UST: variants seen among roughly 807,000 people sequenced by gnomAD.
The protein encoded by UST is uronyl 2-sulfotransferase.
Under a neutral mutation model 45.6 loss-of-function variants are expected in UST, and 21 were observed. That is an observed-to-expected ratio of 0.46 (90% CI 0.33 to 0.66). The LOEUF (loss-of-function observed/expected upper bound fraction) is 0.66. Ranked by LOEUF, UST falls within the 30% of genes least tolerant of loss-of-function variation. The pLI is 0.02. For synonymous variants in UST, 215 were observed against 200.6 expected, an observed-to-expected ratio of 1.07 and a Z score of -0.61; for missense variants, 463 against 512.4, an observed-to-expected ratio of 0.90 and a Z score of 0.93.
chr6:148,747,904 G>C (rs546425289), intron 1 of UST, among the ~76,000 whole-genome samples: 2 of 152,274 alleles, frequency 1.3e-5, no homozygotes, highest in Middle Eastern at 3.4e-3. Flanking sequence ...TTGCGCTGCC[G>C]GCAGGTACCC....
intron 7 of UST, among the ~76,000 whole-genome samples, chr6:149,064,154 G>A (rs1317555919): frequency 2.0e-5 from 3 of 152,182 alleles, no homozygotes; most frequent in African/African-American, 7.2e-5. Flanking sequence ...ATGAATCAGA[G>A]TGAGATGCCC....
chr6:148,787,083 C>T (rs1772760727), intron 1 of UST, among the ~76,000 whole-genome samples: 1 of 151,770 alleles, frequency 6.6e-6, no homozygotes, highest in Admixed American at 6.6e-5. Flanking sequence ...AATTTAAGTT[C>T]CTTATAGATG....
At position 148,930,380 on chromosome 6, in the gene UST, G is replaced by A. The variant is rs77849596; in HGVS notation, c.292-10899G>A. 4.9e-3 allele frequency among the ~76,000 whole-genome samples: 743 copies of A among 152,240 alleles called. 4 individuals carry two copies. The highest frequency in any genetic ancestry group is 0.016 in the African/African-American group (682 of 41,560). On this transcript the variant is annotated intron_variant, in intron 2 of 7. Transcript: ENST00000367463. ...ACAATAGTCAGAAAAAGCAGATGTG[G>A]CCCCTGCAGTCATGGAGTTTAAAAT...
chr6:148,998,006 T>C (rs999166537), intron 5 of UST, among the ~76,000 whole-genome samples: 4 of 152,184 alleles, frequency 2.6e-5, no homozygotes, highest in African/African-American at 9.7e-5. Flanking sequence ...GTGACTTTTG[T>C]GGTTTGTTTT....
At chr6:148,812,499 C>T (rs1294582992) in intron 1 of UST, among the ~76,000 whole-genome samples, 3 of 152,184 alleles carry the variant, frequency 2.0e-5, no homozygotes, top group Non-Finnish European at 4.4e-5. Context: ...GGCTTAGCTG[C>T]TCATTAGGTC....
At chr6:149,039,174 G>A (rs779406742) in intron 7 of UST, among the ~76,000 whole-genome samples, 5 of 152,048 alleles carry the variant, frequency 3.3e-5, no homozygotes, top group African/African-American at 9.7e-5. Context: ...ATGTATTAGG[G>A]ACCATCCCTG....
intron 5 of UST, among the ~76,000 whole-genome samples, chr6:148,980,347 CCA>C (rs1045207274): frequency 6.6e-6 from 1 of 152,196 alleles, no homozygotes; most frequent in Non-Finnish European, 1.5e-5. Flanking sequence ...GCTGCCAACA[CCA>C]CAGTCTTTAA....
rs1582837917 is a variant in UST at position 148,829,291 on chromosome 6, C to T, written c.248-57695C>T. Among the ~76,000 whole-genome samples, 3 of 152,186 alleles carry T rather than the reference C, an allele frequency of 2.0e-5. No individual in the cohort carries two copies. The South Asian group carries it at 6.2e-4, about 31-fold the overall frequency. ...GCGTGCACCTCTGCACCTGGGTCCG[C>T]TGTAACCATGCATATGGCTTTGGCC... On this transcript the variant is annotated intron_variant, in intron 1 of 7. Transcript: ENST00000367463.
chr6:148,774,924 A>G (rs1776501958), intron 1 of UST, among the ~76,000 whole-genome samples: 1 of 152,176 alleles, frequency 6.6e-6, no homozygotes, highest in African/African-American at 2.4e-5. Context: ...AGGCTGGGGC[A>G]GGAGAATCAC....
chr6:148,933,290 G>A (rs897898767), intron 2 of UST, among the ~76,000 whole-genome samples: 2 of 152,090 alleles, frequency 1.3e-5, no homozygotes, highest in African/African-American at 4.8e-5. Flanking sequence ...CAATAGTCTA[G>A]TCTATACTCT....
At chr6:148,803,785 C>T (rs1341374696) in intron 1 of UST, among the ~76,000 whole-genome samples, 1 of 152,196 alleles carries the variant, frequency 6.6e-6, no homozygotes, top group East Asian at 1.9e-4. Context: ...TGTTCTGGCT[C>T]TGGCCACACA....
chr6:148,808,480 T>C (rs1777192610), intron 1 of UST, among the ~76,000 whole-genome samples: 2 of 151,904 alleles, frequency 1.3e-5, no homozygotes, highest in South Asian at 4.2e-4. Context: ...TTACCTGGGA[T>C]GGGGATAGGT....
chr6:149,030,470 T>C (rs905239765), intron 7 of UST, among the ~76,000 whole-genome samples: 1 of 78,276 alleles, frequency 1.3e-5, no homozygotes, highest in Non-Finnish European at 2.7e-5. Flanking sequence ...CAAGATCCTG[T>C]TTCTACCAAA....
At chr6:148,877,513 G>T in intron 1 of UST, among the ~76,000 whole-genome samples, 1 of 99,940 alleles carries the variant, frequency 1.0e-5, no homozygotes, top group African/African-American at 4.0e-5. Flanking sequence ...TGGGTGGGGG[G>T]GTTGTGTGTG....
chr6:148,913,405 G>A (rs72994213), intron 2 of UST, among the ~76,000 whole-genome samples: 39,928 of 136,152 alleles, frequency 0.29, 5,954 homozygotes, highest in Middle Eastern at 0.36. Context: ...TCTACAGTCC[G>A]TATTTGGGAC....
At position 149,054,665 on chromosome 6, in the gene UST, G is replaced by A. The variant is rs11755062; in HGVS notation, c.938-19168G>A. ...GACAAGAGTGAGGTGAAGCACCACCGTGGACCAGAAAAAGGCTTGAAATTA... is the reference window on the plus strand; with the variant it reads ...GACAAGAGTGAGGTGAAGCACCACCATGGACCAGAAAAAGGCTTGAAATTA... On this transcript the variant is annotated intron_variant, in intron 7 of 7. Coordinates refer to ENST00000367463, the MANE Select transcript of UST (RefSeq NM_005715.3). Among the ~76,000 whole-genome samples, 270 of 152,294 alleles carry A rather than the reference G, an allele frequency of 1.8e-3. 1 individual carries two copies. Among genetic ancestry groups the A allele is most frequent in the Admixed American group, 6.3e-3 (97 of 15,302 alleles).
intron 2 of UST, among the ~76,000 whole-genome samples, chr6:148,891,767 A>G (rs1240392004): frequency 6.6e-6 from 1 of 152,244 alleles, no homozygotes; most frequent in Non-Finnish European, 1.5e-5. Context: ...TTTAACCTTC[A>G]GTATACCAGA....
At chr6:148,761,897 GCTCT>G (rs1277231717) in intron 1 of UST, among the ~76,000 whole-genome samples, 1 of 152,222 alleles carries the variant, frequency 6.6e-6, no homozygotes, top group Non-Finnish European at 1.5e-5. Context: ...CATAGAAGCA[GCTCT>G]CTAACAGCTG....
chr6:148,821,600 A>G (rs1040945442), intron 1 of UST, among the ~76,000 whole-genome samples: 3 of 152,232 alleles, frequency 2.0e-5, no homozygotes, highest in Non-Finnish European at 4.4e-5. Flanking sequence ...ACTAAAAACT[A>G]TGTAAATATT....
Sources: gnomAD v4.1 joint callset for allele counts (sites outside exome capture counted in the v4.1 genomes callset) on GRCh38, gnomAD v4.1.1 for gene constraint, MANE v1.5 for transcripts, NCBI Gene and HGNC (gene_info 2026-07-23, HGNC 2026-07-21) for gene names.